ADAMTS2: variants seen among roughly 807,000 people sequenced by gnomAD.
ADAMTS2 encodes A disintegrin and metalloproteinase with thrombospondin motifs 2.
A neutral mutation model predicts 123.0 loss-of-function variants in ADAMTS2; 50 were observed. That is an observed-to-expected ratio of 0.41 (90% confidence interval 0.32 to 0.51). ADAMTS2 has a LOEUF of 0.51. ADAMTS2 is among the 20% of genes least tolerant of loss of function. ADAMTS2 has a pLI of 0.35. For missense variants in ADAMTS2, 1,494 were observed against 1,705.2 expected, an observed-to-expected ratio of 0.88 and a Z score of 2.18; for synonymous variants, 678 against 695.4, an observed-to-expected ratio of 0.98 and a Z score of 0.39.
intron 2 of ADAMTS2, among the ~76,000 whole-genome samples, chr5:179,279,522 G>T (rs1039449907): frequency 6.6e-6 from 1 of 152,246 alleles, no homozygotes; most frequent in Non-Finnish European, 1.5e-5. Context: ...CAGCTGCCTG[G>T]TGGAATGACG....
At chr5:179,302,778 A>C (rs1309644512) in intron 2 of ADAMTS2, among the ~76,000 whole-genome samples, 2 of 151,712 alleles carry the variant, frequency 1.3e-5, no homozygotes, top group African/African-American at 2.4e-5. Flanking sequence ...GGCCTAAATG[A>C]TTGGAAAGAG....
chr5:179,280,943 T>C lies in ADAMTS2; in HGVS notation c.535-7879A>G, dbSNP rs372282549. Among the ~76,000 whole-genome samples the C allele has an allele frequency of 4.3e-4, 65 of 152,306 alleles. 1 individual carries two copies. In the East Asian group the frequency reaches 5.2e-3, roughly 12 times the overall value. ...CGCAACCTCAGCTCACTGCAAACTCTGCCTCCCATTTTTAAGCGATTCTCC... is the reference window on the plus strand; with the variant it reads ...CGCAACCTCAGCTCACTGCAAACTCCGCCTCCCATTTTTAAGCGATTCTCC... On this transcript the variant is annotated intron_variant, in intron 2 of 21. Transcript: ENST00000251582.
intron 3 of ADAMTS2, 25 bp from the exon 4 acceptor site, chr5:179,207,740 A>G (rs908223234): frequency 6.2e-7 from 1 of 1,605,210 alleles, no homozygotes; most frequent in African/African-American, 1.3e-5. Flanking sequence ...CACCGTCTTC[A>G]GCGGCAGGGC....
intron 2 of ADAMTS2, among the ~76,000 whole-genome samples, chr5:179,318,166 G>A (rs1757054496): frequency 6.6e-6 from 1 of 152,222 alleles, no homozygotes; most frequent in Non-Finnish European, 1.5e-5. Flanking sequence ...CTCTCATGGA[G>A]ACTCTGAGCT....
intron 2 of ADAMTS2, among the ~76,000 whole-genome samples, chr5:179,291,366 G>T (rs1263232336): frequency 6.6e-6 from 1 of 152,186 alleles, no homozygotes. Context: ...ACCCTCAAAG[G>T]TTCCGTGTCA....
At chr5:179,271,168 G>A (rs57999301) in intron 3 of ADAMTS2, among the ~76,000 whole-genome samples, 5,321 of 152,302 alleles carry the variant, frequency 0.035, 270 homozygotes, top group African/African-American at 0.11. Flanking sequence ...GGTGGAGGGA[G>A]GATTCAGCAG....
At chr5:179,235,873 G>T (rs958955535) in intron 3 of ADAMTS2, among the ~76,000 whole-genome samples, 1 of 152,218 alleles carries the variant, frequency 6.6e-6, no homozygotes, top group East Asian at 1.9e-4. Context: ...GGCATGGGTT[G>T]CCCTCTGCAT....
At chr5:179,120,745 C>T (rs1259612567) in intron 21 of ADAMTS2, 3 of 152,154 alleles carry the variant, frequency 2.0e-5, no homozygotes, top group East Asian at 1.9e-4. Flanking sequence ...CGGAGACGGA[C>T]GGTGCGCACC....
Position 179,133,018 on chromosome 5 carries a change from C to G in ADAMTS2, c.2086-118G>C, listed in dbSNP as rs1334024455. The G allele has an allele frequency of 2.9e-6, 4 of 1,395,452 alleles. No homozygotes were observed. The African/African-American group carries it at 5.7e-5, about 20-fold the overall frequency. The allele number at this position is 1,395,452 out of a possible 1,614,324, so 86.4% of individuals were successfully genotyped here. A position where few individuals can be genotyped will look rare whatever the true frequency, so the allele number is the denominator to read the frequency against. Reference sequence around the variant, plus strand: ...AAGCGATCCTCCTGCCTTGGCCTCCCAAAGCATTGGGATTACAGGCGTGAA... The same window carrying G: ...AAGCGATCCTCCTGCCTTGGCCTCCGAAAGCATTGGGATTACAGGCGTGAA... On this transcript the variant is annotated intron_variant, in intron 13 of 21. Transcript: ENST00000251582.
At chr5:179,283,552 A>AAC (rs1374278430) in intron 2 of ADAMTS2, among the ~76,000 whole-genome samples, 8 of 148,908 alleles carry the variant, frequency 5.4e-5, no homozygotes, top group Admixed American at 1.3e-4. Flanking sequence ...AAAACAGCAA[A>AAC]AAAAAAAAAA....
At position 179,345,219 on chromosome 5, in the gene ADAMTS2, G is replaced by A. The variant is rs1057524401; in HGVS notation, c.110C>T (p.Ala37Val). ...LLPPPPPPAN[A>V]RLAAAADPPG... ...GGGGTCGGCGGCGGCGGCGAGCCTG[G>A]CGTTCGCGGGCGGCGGCGGCGGCGG... The change falls in exon 1 of 22, where the codon GCC (alanine) becomes GTC (valine). Residue 37 changes from alanine to valine, a missense_variant. Ala to Val is a moderately conservative substitution (Grantham distance 64). This residue lies in a region of ADAMTS2 where 237 missense variants were observed against 233.7 expected (regional missense o/e 1.01). Transcript: ENST00000251582. This position sits in a 1 kb window ranked among gnomAD's most constrained non-coding sequence, Gnocchi z 7.5. 111 of 1,133,428 alleles carry A rather than the reference G, an allele frequency of 9.8e-5. No individual in the cohort carries two copies. The highest frequency in any genetic ancestry group is 1.1e-4 in the Non-Finnish European group (106 of 931,152). 70.2% of individuals were successfully genotyped at this position (1,133,428 alleles called of 1,614,324 possible). A position where few individuals can be genotyped will look rare whatever the true frequency, so the allele number is the denominator to read the frequency against.
chr5:179,129,907 T>C lies in ADAMTS2; in HGVS notation c.2457+25A>G. ...CCCAGTGGCCACCCGCACCCTTCCCTGGGCCCAGCCCTGCTTGGACTCACC... is the reference window on the plus strand; with the variant it reads ...CCCAGTGGCCACCCGCACCCTTCCCCGGGCCCAGCCCTGCTTGGACTCACC... On this transcript the variant is annotated intron_variant, in intron 16 of 21. Transcript: ENST00000251582. The surrounding 1 kb of genome is among the most constrained non-coding windows in gnomAD (Gnocchi z 4.1). The C allele has an allele frequency of 6.2e-7, 1 of 1,613,294 alleles. No individual in the cohort carries two copies. The highest frequency in any genetic ancestry group is 8.5e-7 in the Non-Finnish European group (1 of 1,179,948).
intron 3 of ADAMTS2, among the ~76,000 whole-genome samples, chr5:179,245,227 G>A (rs539457388): frequency 6.6e-5 from 10 of 152,260 alleles, no homozygotes; most frequent in Admixed American, 4.6e-4. Flanking sequence ...CAGAAGTCAT[G>A]AGCCAAGGAA....
rs555408131 is a variant in ADAMTS2 at position 179,185,320 on chromosome 5, C to T, written c.892-4165G>A. On this transcript the variant is annotated intron_variant, in intron 4 of 21. Coordinates refer to ENST00000251582, the MANE Select transcript of ADAMTS2 (RefSeq NM_014244.5). The surrounding 1 kb of genome is among the most constrained non-coding windows in gnomAD (Gnocchi z 5.9). ...TTTGGGGATGAGTGCAGAGAAGGGA[C>T]GGATGTGAGGGATGATGTGGATTGG... is the stretch of plus-strand genomic sequence containing the variant. Among the ~76,000 whole-genome samples the T allele has an allele frequency of 1.4e-4, 22 of 152,218 alleles. No homozygotes were observed. The highest frequency in any genetic ancestry group is 6.8e-3 in the Middle Eastern group (2 of 294).
At chr5:179,205,171 T>C (rs1764649547) in intron 4 of ADAMTS2, among the ~76,000 whole-genome samples, 1 of 152,198 alleles carries the variant, frequency 6.6e-6, no homozygotes, top group Admixed American at 6.5e-5. Context: ...CCAGCTGTTG[T>C]GACAGAGAGA....
At chr5:179,119,570 A>G (rs1163331588) in intron 21 of ADAMTS2, among the ~76,000 whole-genome samples, 1 of 152,182 alleles carries the variant, frequency 6.6e-6, no homozygotes, top group East Asian at 1.9e-4. Flanking sequence ...GCCTGGGAAG[A>G]CCTTGGAAGA....
At chr5:179,209,380 C>T (rs1437680708) in intron 3 of ADAMTS2, among the ~76,000 whole-genome samples, 1 of 152,110 alleles carries the variant, frequency 6.6e-6, no homozygotes, top group Non-Finnish European at 1.5e-5. Context: ...AGTGGAGGTG[C>T]GAGGCGGAGG....
At chr5:179,139,805 C>CA in intron 11 of ADAMTS2, 85 bp downstream of exon 11, 1 of 1,578,048 alleles carries the variant, frequency 6.3e-7, no homozygotes, top group South Asian at 1.1e-5. Flanking sequence ...GCCACAGGGC[C>CA]CTCCAGGACA....
At chr5:179,176,008 C>A (rs1026534157) in intron 5 of ADAMTS2, among the ~76,000 whole-genome samples, 2 of 152,052 alleles carry the variant, frequency 1.3e-5, no homozygotes, top group African/African-American at 4.8e-5. Context: ...GAAATTTCAC[C>A]CCCAGGAATG....
Sources: allele counts gnomAD v4.1 joint callset (sites outside exome capture counted in the v4.1 genomes callset), GRCh38; gene constraint gnomAD v4.1.1; regional missense constraint gnomAD v4.1.1; non-coding constraint Gnocchi (gnomAD v3.1); transcripts MANE v1.5; gene names NCBI Gene and HGNC (gene_info 2026-07-23, HGNC 2026-07-21).